GNA14: variants seen among roughly 807,000 people sequenced by gnomAD.
GNA14 encodes G protein subunit alpha 14.
In GNA14, 50 loss-of-function variants were observed where a neutral mutation model predicts 42.0. The observed-to-expected ratio is 1.19, with a 90% CI of 0.95 to 1.51. The LOEUF (loss-of-function observed/expected upper bound fraction) is 1.51. Among genes scored for constraint, GNA14 ranks in the 40% most tolerant of loss-of-function variants. GNA14 has a pLI of 0.00. For synonymous variants in GNA14, 173 were observed against 163.1 expected (o/e 1.06, Z -0.46); for missense variants, 473 against 446.2 (o/e 1.06, Z -0.54).
chr9:77,539,796 G>A (rs1284395567), intron 1 of GNA14, among the ~76,000 whole-genome samples: 1 of 152,056 alleles, frequency 6.6e-6, no homozygotes, highest in African/African-American at 2.4e-5. Flanking sequence ...GCTTATCAGT[G>A]TATAGTTGTT....
chr9:77,568,289 G>A (rs538757294), intron 1 of GNA14, among the ~76,000 whole-genome samples: 2 of 152,070 alleles, frequency 1.3e-5, no homozygotes, highest in South Asian at 2.1e-4. Context: ...AAAATTTGGG[G>A]GCTCAGATAT....
intron 2 of GNA14, among the ~76,000 whole-genome samples, chr9:77,453,854 A>G (rs891727552): frequency 3.3e-5 from 5 of 152,236 alleles, no homozygotes; most frequent in African/African-American, 1.2e-4. Context: ...GCTTTACGAT[A>G]CACTACTTGC....
intron 1 of GNA14, among the ~76,000 whole-genome samples, chr9:77,567,590 G>C (rs1294604430): frequency 6.6e-6 from 1 of 152,176 alleles, no homozygotes; most frequent in Non-Finnish European, 1.5e-5. Flanking sequence ...ATTCCGGCTG[G>C]GTGTGGTGGC....
chr9:77,498,027 A>G (rs961698985), intron 2 of GNA14, among the ~76,000 whole-genome samples: 3 of 152,192 alleles, frequency 2.0e-5, no homozygotes, highest in Admixed American at 6.5e-5. Context: ...TTGTCACTGC[A>G]AATTAACTGA....
chr9:77,625,139 G>C (rs1325881592), intron 1 of GNA14, among the ~76,000 whole-genome samples: 2 of 151,720 alleles, frequency 1.3e-5, no homozygotes, highest in East Asian at 3.9e-4. Context: ...AATCGATCAA[G>C]CAGAAGAAAG....
chr9:77,520,186 A>T (rs1440508825), intron 2 of GNA14, among the ~76,000 whole-genome samples: 1 of 152,214 alleles, frequency 6.6e-6, no homozygotes, highest in Non-Finnish European at 1.5e-5. Context: ...ATCAGTTAAT[A>T]AGCAAATCGG....
intron 2 of GNA14, among the ~76,000 whole-genome samples, chr9:77,499,168 C>T (rs1446977618): frequency 6.6e-6 from 1 of 152,116 alleles, no homozygotes; most frequent in Non-Finnish European, 1.5e-5. Context: ...AACCCTTTAG[C>T]CTTGCCACCT....
At chr9:77,499,787 T>C (rs553116772) in intron 2 of GNA14, among the ~76,000 whole-genome samples, 1 of 151,574 alleles carries the variant, frequency 6.6e-6, no homozygotes, top group Non-Finnish European at 1.5e-5. Flanking sequence ...AAGGCAGAGG[T>C]TGCAGTGGGC....
chr9:77,478,143 C>T (rs1836467208), intron 2 of GNA14, among the ~76,000 whole-genome samples: 1 of 151,666 alleles, frequency 6.6e-6, no homozygotes, highest in Non-Finnish European at 1.5e-5. Context: ...CGTCATTTAG[C>T]ATTAGGTATA....
At position 77,434,441 on chromosome 9, in the gene GNA14, G is replaced by C. The variant is rs778686184; in HGVS notation, c.391C>G (p.Leu131Val). 7 of 1,613,878 alleles carry C rather than the reference G, an allele frequency of 4.3e-6. No individual in the cohort carries two copies. Among genetic ancestry groups the C allele is most frequent in the South Asian group, 1.1e-5 (1 of 91,078 alleles). ...SREQVEAIKQ[L>V]WQDPGIQECY... ...TCCTGGATGCCTGGATCTTGCCAGA[G>C]CTGCTTGATGGCCTCCACCTGCTCC... The change falls in exon 3 of 7, where the codon CTC (leucine) becomes GTC (valine). Residue 131 changes from leucine (L) to valine (V), a missense_variant. By Grantham distance (32) the Leu-to-Val change is conservative (BLOSUM62 1). Coordinates refer to ENST00000341700, the MANE Select transcript of GNA14 (RefSeq NM_004297.4).
In GNA14 at chr9:77,524,052, G is replaced by A. The variant is rs547204880; in HGVS notation, c.309+5017C>T. ...TCAGACTTAGGAACCCTGCCACTGAGCAAATGCCTTTGTAATATTTATTCA... is the reference window on the plus strand; with the variant it reads ...TCAGACTTAGGAACCCTGCCACTGAACAAATGCCTTTGTAATATTTATTCA... On this transcript the variant is annotated intron_variant, in intron 2 of 6. Transcript: ENST00000341700. Among the ~76,000 whole-genome samples the A allele has an allele frequency of 3.0e-4, 46 of 152,264 alleles. No individual in the cohort carries two copies. The South Asian group carries it at 3.9e-3, about 13-fold the overall frequency.
chr9:77,610,816 G>T (rs1051025135), intron 1 of GNA14, among the ~76,000 whole-genome samples: 4 of 152,164 alleles, frequency 2.6e-5, no homozygotes, highest in African/African-American at 9.7e-5. Flanking sequence ...TAAGATGTAA[G>T]AAGACTGGAT....
Position 77,505,813 on chromosome 9 carries a change from C to T in GNA14, c.309+23256G>A, listed in dbSNP as rs73458074. On this transcript the variant is annotated intron_variant, in intron 2 of 6. Transcript: ENST00000341700. ...CTCTATATAAATGCATGGGACAGCA[C>T]CCTTCTTTTAATCAGGTAACAGGTG... is the stretch of plus-strand genomic sequence containing the variant. Among the ~76,000 whole-genome samples the T allele has an allele frequency of 6.2e-3, 938 of 152,258 alleles. 10 individuals are homozygous for T. Among genetic ancestry groups the T allele is most frequent in the African/African-American group, 0.021 (888 of 41,548 alleles).
intron 1 of GNA14, chr9:77,635,080 T>C (rs1342522821): frequency 6.6e-6 from 1 of 152,206 alleles, no homozygotes; most frequent in African/African-American, 2.4e-5. Context: ...CCAAGTAAGT[T>C]CTGAAGTGGT....
At chr9:77,461,701 T>C (rs1467269909) in intron 2 of GNA14, among the ~76,000 whole-genome samples, 1 of 152,166 alleles carries the variant, frequency 6.6e-6, no homozygotes, top group Non-Finnish European at 1.5e-5. Flanking sequence ...TGGCAATATA[T>C]ACCCCCCAAA....
At chr9:77,560,713 T>C (rs1822868162) in intron 1 of GNA14, among the ~76,000 whole-genome samples, 1 of 152,202 alleles carries the variant, frequency 6.6e-6, no homozygotes, top group Admixed American at 6.5e-5. Flanking sequence ...ACTTCAACAA[T>C]GGATTCAGCT....
chr9:77,437,167 C>T (rs1212634238), intron 2 of GNA14, among the ~76,000 whole-genome samples: 2 of 152,218 alleles, frequency 1.3e-5, no homozygotes, highest in Non-Finnish European at 2.9e-5. Flanking sequence ...AAATGCATTT[C>T]TATCTCTCCT....
At chr9:77,480,854 T>A (rs1341161611) in intron 2 of GNA14, among the ~76,000 whole-genome samples, 2 of 152,230 alleles carry the variant, frequency 1.3e-5, no homozygotes, top group Non-Finnish European at 2.9e-5. Context: ...TGTAGTATTC[T>A]CTGATGGTAG....
At chr9:77,608,249 G>C (rs575094624) in intron 1 of GNA14, among the ~76,000 whole-genome samples, 2 of 152,162 alleles carry the variant, frequency 1.3e-5, no homozygotes, top group Admixed American at 6.5e-5. Context: ...CTCCCTTTTA[G>C]AATGAGAATA....
Sources: gnomAD v4.1 joint callset for allele counts (sites outside exome capture counted in the v4.1 genomes callset) on GRCh38, gnomAD v4.1.1 for gene constraint, MANE v1.5 for transcripts, NCBI Gene and HGNC (gene_info 2026-07-23, HGNC 2026-07-21) for gene names.